The following TTC8 variants were observed in gnomAD, a reference collection of about 807,000 sequenced individuals.
TTC8 encodes the protein tetratricopeptide repeat domain 8, also known as tetratricopeptide repeat protein 8.
A neutral mutation model predicts 72.5 loss-of-function variants in TTC8; 47 were observed. The observed-to-expected ratio is 0.65, with a 90% CI of 0.51 to 0.83. The LOEUF is 0.83. Ranked by LOEUF, TTC8 falls within the 40% of genes least tolerant of loss-of-function variation. The probability of loss-of-function intolerance (pLI) is 0.00; values close to 1 mark genes in which losing one functional copy is unlikely to be tolerated. For synonymous variants in TTC8, 199 were observed against 221.4 expected (o/e 0.90, Z 0.90); for missense variants, 611 against 623.2 (o/e 0.98, Z 0.21).
chr14:88,869,932 T>C, intron 10 of TTC8, 127 bp from the exon 11 acceptor site: 1 of 922,220 alleles, frequency 1.1e-6, no homozygotes, highest in Non-Finnish European at 1.7e-6. Flanking sequence ...GGGTCTAGAA[T>C]GGAGTCTGGC....
intron 7 of TTC8, among the ~76,000 whole-genome samples, chr14:88,848,724 A>G (rs957868459): frequency 4.6e-5 from 7 of 152,198 alleles, no homozygotes; most frequent in Non-Finnish European, 8.8e-5. Flanking sequence ...AAATAGAAGT[A>G]TAACTCTAAA....
At chr14:88,847,313 GCAAACAAAA>G (rs2094811631) in intron 7 of TTC8, among the ~76,000 whole-genome samples, 3 of 152,084 alleles carry the variant, frequency 2.0e-5, no homozygotes, top group Admixed American at 2.0e-4. Context: ...GCTCCCTATA[GCAAACAAAA>G]CAAGAGGGAG....
intron 2 of TTC8, among the ~76,000 whole-genome samples, chr14:88,835,736 A>C (rs1374203803): frequency 6.6e-6 from 1 of 151,872 alleles, no homozygotes; most frequent in African/African-American, 2.4e-5. Flanking sequence ...TTTGTTATTC[A>C]TTTTATTTTA....
At chr14:88,845,210 A>G (rs1348539128) in intron 7 of TTC8, among the ~76,000 whole-genome samples, 1 of 152,210 alleles carries the variant, frequency 6.6e-6, no homozygotes, top group African/African-American at 2.4e-5. Flanking sequence ...AAAGGAAGTG[A>G]CAGAACTTGA....
intron 2 of TTC8, among the ~76,000 whole-genome samples, chr14:88,836,473 AGAGT>A (rs1477977384): frequency 6.7e-6 from 1 of 149,480 alleles, no homozygotes; most frequent in Non-Finnish European, 1.5e-5. Context: ...CCTGGGAGAT[AGAGT>A]GAGAGCCTGT....
chr14:88,825,969 T>TA (rs1338570287), intron 1 of TTC8, among the ~76,000 whole-genome samples: 1 of 151,896 alleles, frequency 6.6e-6, no homozygotes, highest in Non-Finnish European at 1.5e-5. Flanking sequence ...AAGGTTTTTT[T>TA]AAATTTTTTT....
At chr14:88,866,704 C>T (rs558585408) in intron 10 of TTC8, among the ~76,000 whole-genome samples, 3 of 152,122 alleles carry the variant, frequency 2.0e-5, no homozygotes, top group Admixed American at 6.6e-5. Flanking sequence ...AAACACTGAG[C>T]CTTCCTGTGT....
chr14:88,829,518 A>G (rs3850391), intron 1 of TTC8, among the ~76,000 whole-genome samples: 74,885 of 152,030 alleles, frequency 0.49, 20,506 homozygotes, highest in African/African-American at 0.74. Flanking sequence ...AATAAAACGT[A>G]AAGGTTTTTC....
At chr14:88,832,610 C>G (rs1487980938) in intron 1 of TTC8, among the ~76,000 whole-genome samples, 1 of 152,032 alleles carries the variant, frequency 6.6e-6, no homozygotes, top group African/African-American at 2.4e-5. Flanking sequence ...TAATACTTAC[C>G]TGCTTTCCTC....
chr14:88,843,559 A>G (rs1241565274), intron 6 of TTC8, among the ~76,000 whole-genome samples: 1 of 152,134 alleles, frequency 6.6e-6, no homozygotes. Context: ...GGTCTTTAAG[A>G]AATAAATTTT....
intron 10 of TTC8, 59 bp from the exon 11 acceptor site, chr14:88,870,000 A>G: frequency 6.3e-7 from 1 of 1,584,774 alleles, no homozygotes; most frequent in Non-Finnish European, 8.6e-7. Flanking sequence ...CAGTCAGAAA[A>G]AAATAATTTT....
At chr14:88,879,214 G>C (rs2094966678), downstream of TTC8, 1 of 152,206 alleles carries the variant, frequency 6.6e-6, no homozygotes, top group South Asian at 2.1e-4. Context: ...TGATGACATA[G>C]CACCGTGGAT....
upstream of TTC8, chr14:88,824,621 C>T (rs1049811346): frequency 7.0e-6 from 8 of 1,143,348 alleles, no homozygotes; most frequent in African/African-American, 6.1e-5. Flanking sequence ...TCGCGGGTTG[C>T]CGGGCAGAGT....
intron 7 of TTC8, among the ~76,000 whole-genome samples, chr14:88,849,791 A>T (rs1302697005): frequency 6.6e-6 from 1 of 152,152 alleles, no homozygotes; most frequent in Non-Finnish European, 1.5e-5. Context: ...TATATATGGA[A>T]AACTATTTCT....
chr14:88,849,956 A>C (rs189891787), intron 7 of TTC8, among the ~76,000 whole-genome samples: 2 of 152,282 alleles, frequency 1.3e-5, no homozygotes, highest in South Asian at 4.1e-4. Flanking sequence ...TGTTACAACT[A>C]TAACAACAGT....
intron 13 of TTC8, among the ~76,000 whole-genome samples, chr14:88,874,514 C>T (rs917646276): frequency 6.6e-6 from 1 of 152,132 alleles, no homozygotes; most frequent in Non-Finnish European, 1.5e-5. Context: ...ACTAACAAAA[C>T]TGATCAGCAC....
chr14:88,830,142 A>G (rs2094719408), intron 1 of TTC8, among the ~76,000 whole-genome samples: 1 of 151,876 alleles, frequency 6.6e-6, no homozygotes, highest in Non-Finnish European at 1.5e-5. Context: ...GAGGAGACTC[A>G]TTAGCCAGCA....
intron 7 of TTC8, chr14:88,846,925 T>C (rs7152146): frequency 0.083 from 21,187 of 254,362 alleles, 2,906 homozygotes; most frequent in African/African-American, 0.32. Flanking sequence ...ACTTGAATTA[T>C]AGCAGGGCTA....
intron 2 of TTC8, among the ~76,000 whole-genome samples, chr14:88,834,738 A>G (rs1046201599): frequency 6.6e-6 from 1 of 152,198 alleles, no homozygotes. Context: ...TCATTCAAGA[A>G]GGATCAAAGT....
Sources: allele counts gnomAD v4.1 joint callset (sites outside exome capture counted in the v4.1 genomes callset), GRCh38; gene constraint gnomAD v4.1.1; transcripts MANE v1.5; gene names NCBI Gene and HGNC (gene_info 2026-07-23, HGNC 2026-07-21).